The following NLGN1 variants were observed in gnomAD, a reference collection of about 807,000 sequenced individuals.
NLGN1 encodes neuroligin 1, also known as neuroligin-1.
A neutral mutation model predicts 65.5 loss-of-function variants in NLGN1; 12 were observed. The observed-to-expected ratio is 0.18, with a 90% CI of 0.12 to 0.30. The LOEUF (loss-of-function observed/expected upper bound fraction) is 0.30. Ranked by LOEUF, NLGN1 falls within the 10% of genes least tolerant of loss-of-function variation. NLGN1 has a pLI of 1.00. For synonymous variants in NLGN1, 350 were observed against 359.5 expected, an observed-to-expected ratio of 0.97 and a Z score of 0.30; for missense variants, 750 against 1,007.1, an observed-to-expected ratio of 0.74 and a Z score of 3.46.
At chr3:173,817,709 T>C (rs1326801988) in intron 4 of NLGN1, among the ~76,000 whole-genome samples, 2 of 152,178 alleles carry the variant, frequency 1.3e-5, no homozygotes, top group Non-Finnish European at 2.9e-5. Context: ...AATATAGTAA[T>C]CTATAATATA....
At chr3:174,024,446 A>G (rs1261692907) in intron 4 of NLGN1, among the ~76,000 whole-genome samples, 1 of 152,168 alleles carries the variant, frequency 6.6e-6, no homozygotes, top group Non-Finnish European at 1.5e-5. Context: ...TTAAGGAATA[A>G]GAAAAAAGCT....
chr3:173,773,602 A>C (rs1779889831), intron 3 of NLGN1, among the ~76,000 whole-genome samples: 1 of 152,188 alleles, frequency 6.6e-6, no homozygotes, highest in African/African-American at 2.4e-5. Flanking sequence ...GTTGTTAATC[A>C]ATATGATTTT....
At chr3:173,668,839 G>A (rs530694394) in intron 3 of NLGN1, among the ~76,000 whole-genome samples, 1 of 152,032 alleles carries the variant, frequency 6.6e-6, no homozygotes, top group East Asian at 1.9e-4. Context: ...GGTCAGGCTG[G>A]TCTTGAACTC....
intron 3 of NLGN1, among the ~76,000 whole-genome samples, chr3:173,718,249 TTCTC>T (rs762405625): frequency 1.3e-5 from 2 of 152,120 alleles, no homozygotes; most frequent in African/African-American, 2.4e-5. Context: ...AACTTCCTTC[TTCTC>T]TCTAACTATA....
At chr3:174,048,298 T>TAGTTTAGTTTCTA (rs1352897182) in intron 4 of NLGN1, among the ~76,000 whole-genome samples, 2 of 152,030 alleles carry the variant, frequency 1.3e-5, no homozygotes, top group Non-Finnish European at 2.9e-5. Context: ...TTATAAGCTT[T>TAGTTTAGTTTCTA]AGTTTAGTTT....
intron 4 of NLGN1, among the ~76,000 whole-genome samples, chr3:174,018,969 T>G (rs1727191148): frequency 6.6e-6 from 1 of 152,030 alleles, no homozygotes; most frequent in African/African-American, 2.4e-5. Flanking sequence ...GCCCCAAATA[T>G]AAACAAATAT....
chr3:173,911,993 T>A (rs962219312), intron 4 of NLGN1, among the ~76,000 whole-genome samples: 1 of 152,212 alleles, frequency 6.6e-6, no homozygotes, highest in African/African-American at 2.4e-5. Flanking sequence ...TACAATGTGC[T>A]AAATTTTTTA....
At chr3:173,527,446 G>T (rs1215794030) in intron 2 of NLGN1, among the ~76,000 whole-genome samples, 2 of 152,024 alleles carry the variant, frequency 1.3e-5, no homozygotes, top group African/African-American at 4.8e-5. Context: ...CACCCAGGCT[G>T]GAGTGCAGTG....
chr3:173,900,493 T>G (rs1737140125), intron 4 of NLGN1, among the ~76,000 whole-genome samples: 1 of 152,092 alleles, frequency 6.6e-6, no homozygotes. Flanking sequence ...TGGATTTTTT[T>G]CCATGAATCC....
At chr3:173,546,601 T>G (rs1278781941) in intron 2 of NLGN1, among the ~76,000 whole-genome samples, 1 of 152,180 alleles carries the variant, frequency 6.6e-6, no homozygotes, top group Non-Finnish European at 1.5e-5. Context: ...GATCTGAGGT[T>G]TCTGAATTTT....
intron 4 of NLGN1, among the ~76,000 whole-genome samples, chr3:174,007,197 A>G (rs951920291): frequency 2.6e-5 from 4 of 152,176 alleles, no homozygotes; most frequent in African/African-American, 7.2e-5. Context: ...AGAGGCCTCA[A>G]GAGAAACCAA....
chr3:173,821,911 G>T (rs568670182), intron 4 of NLGN1, among the ~76,000 whole-genome samples: 2 of 152,098 alleles, frequency 1.3e-5, no homozygotes, highest in African/African-American at 4.8e-5. Flanking sequence ...ATAACATTAT[G>T]TTGAGATATA....
At chr3:173,907,880 C>T (rs768540953) in intron 4 of NLGN1, among the ~76,000 whole-genome samples, 6 of 151,748 alleles carry the variant, frequency 4.0e-5, no homozygotes, top group Non-Finnish European at 5.9e-5. Flanking sequence ...CCACCACCCC[C>T]GGCTAATTTT....
intron 2 of NLGN1, among the ~76,000 whole-genome samples, chr3:173,447,402 C>G (rs1280759195): frequency 2.6e-5 from 4 of 152,146 alleles, no homozygotes; most frequent in Non-Finnish European, 5.9e-5. Context: ...TCTGAGGGCT[C>G]TGTTCTGTTT....
chr3:174,256,553 T>TTGTG (rs1212023229), intron 4 of NLGN1, among the ~76,000 whole-genome samples: 1 of 151,776 alleles, frequency 6.6e-6, no homozygotes, highest in Admixed American at 6.6e-5. Context: ...GCATGTGTGT[T>TTGTG]TGTGTGTGTG....
chr3:173,542,351 T>A (rs1395500453), intron 2 of NLGN1, among the ~76,000 whole-genome samples: 1 of 152,022 alleles, frequency 6.6e-6, no homozygotes, highest in Non-Finnish European at 1.5e-5. Flanking sequence ...AAGGGTGTTT[T>A]CATCTCTTTG....
intron 3 of NLGN1, among the ~76,000 whole-genome samples, chr3:173,744,310 C>T (rs374607279): frequency 1.3e-5 from 2 of 152,192 alleles, no homozygotes; most frequent in African/African-American, 4.8e-5. Context: ...TCTTCCTCTT[C>T]CTTTACACAA....
chr3:173,771,846 ATATAAT>A (rs1446265905), intron 3 of NLGN1, among the ~76,000 whole-genome samples: 2 of 151,852 alleles, frequency 1.3e-5, no homozygotes, highest in African/African-American at 2.4e-5. Flanking sequence ...ACAAATTAAA[ATATAAT>A]TATAATTATA....
At chr3:173,992,846 G>A (rs1045427203) in intron 4 of NLGN1, among the ~76,000 whole-genome samples, 4 of 152,122 alleles carry the variant, frequency 2.6e-5, no homozygotes, top group African/African-American at 9.7e-5. Context: ...AGCAATATTT[G>A]TGTTTATTTG....
Sources: allele counts gnomAD v4.1 joint callset (sites outside exome capture counted in the v4.1 genomes callset), GRCh38; gene constraint gnomAD v4.1.1; transcripts MANE v1.5; gene names NCBI Gene and HGNC (gene_info 2026-07-23, HGNC 2026-07-21).